The following TAFA2 variants were observed in gnomAD, a reference collection of about 807,000 sequenced individuals.
TAFA2 encodes the protein TAFA chemokine like family member 2, also known as chemokine-like protein TAFA-2.
A neutral mutation model predicts 18.8 loss-of-function variants in TAFA2; 7 were observed. That is an observed-to-expected ratio of 0.37 (90% CI 0.21 to 0.70). TAFA2 has a LOEUF of 0.70. TAFA2 is among the 30% of genes least tolerant of loss of function. TAFA2 has a pLI of 0.53. For synonymous variants in TAFA2, 60 were observed against 54.2 expected (o/e 1.11, Z -0.47); for missense variants, 122 against 158.1 (o/e 0.77, Z 1.23).
chr12:62,032,993 C>T (rs753836214), intron 1 of TAFA2, among the ~76,000 whole-genome samples: 8 of 152,094 alleles, frequency 5.3e-5, no homozygotes, highest in Middle Eastern at 3.4e-3. Flanking sequence ...TGATCCAAAC[C>T]GCAACCTCTT....
At chr12:62,101,131 A>C (rs1394993809) in intron 1 of TAFA2, among the ~76,000 whole-genome samples, 1 of 152,134 alleles carries the variant, frequency 6.6e-6, no homozygotes, top group Non-Finnish European at 1.5e-5. Flanking sequence ...AGAGTGCCCC[A>C]GAATAAACCA....
intron 1 of TAFA2, among the ~76,000 whole-genome samples, chr12:61,991,928 T>C (rs1402324946): frequency 1.3e-5 from 2 of 152,204 alleles, no homozygotes; most frequent in Non-Finnish European, 2.9e-5. Flanking sequence ...AGTTCCTTCA[T>C]GTTGGCCTGC....
chr12:61,997,191 G>GTGTGTA (rs1555182352), intron 1 of TAFA2, among the ~76,000 whole-genome samples: 1 of 150,596 alleles, frequency 6.6e-6, no homozygotes, highest in African/African-American at 2.4e-5. Flanking sequence ...GTGTGTGTGT[G>GTGTGTA]TATATATATA....
chr12:61,974,878 T>C (rs1879374061), intron 1 of TAFA2, among the ~76,000 whole-genome samples: 1 of 151,686 alleles, frequency 6.6e-6, no homozygotes, highest in South Asian at 2.1e-4. Flanking sequence ...CTAGGGTGAG[T>C]TCATCGAAGT....
rs372019002 is a variant in TAFA2 at position 62,060,999 on chromosome 12, C to A, written c.-2+130260G>T. Among the ~76,000 whole-genome samples the A allele has an allele frequency of 3.1e-5, 4 of 130,110 alleles. No homozygotes were observed. In the East Asian group the frequency reaches 6.2e-4, roughly 20 times the overall value. The allele number at this position is 130,110 out of a possible 152,430, so 85.4% of individuals were successfully genotyped here. A position where few individuals can be genotyped will look rare whatever the true frequency, so the allele number is the denominator to read the frequency against. On this transcript the variant is annotated intron_variant, in intron 1 of 4. Coordinates refer to ENST00000416284, the MANE Select transcript of TAFA2 (RefSeq NM_178539.5). ...TGCATTTTAAGTAAAGTGTTATTAC[C>A]AGAGTCAAAAGTTTAAAAGAAAAAA...
Position 62,157,739 on chromosome 12 carries a change from G to A in TAFA2, c.-2+33520C>T, listed in dbSNP as rs533696160. On this transcript the variant is annotated intron_variant, in intron 1 of 4. Coordinates refer to ENST00000416284, the MANE Select transcript of TAFA2 (RefSeq NM_178539.5). ...TGACTAAAGTAGCTAACATCCTCCAGCCCCTCCTTCCCTAAACGAGTCACC... is the reference window on the plus strand; with the variant it reads ...TGACTAAAGTAGCTAACATCCTCCAACCCCTCCTTCCCTAAACGAGTCACC... 6.6e-5 allele frequency among the ~76,000 whole-genome samples: 10 copies of A among 152,236 alleles called. No individual in the cohort carries two copies. The East Asian group carries it at 1.5e-3, about 24-fold the overall frequency.
chr12:61,947,928 C>G (rs529369857), intron 1 of TAFA2, among the ~76,000 whole-genome samples: 24 of 152,220 alleles, frequency 1.6e-4, no homozygotes, highest in African/African-American at 5.1e-4. Flanking sequence ...AGGATATATA[C>G]AAGCATACTT....
intron 1 of TAFA2, among the ~76,000 whole-genome samples, chr12:61,995,882 G>A (rs1386096190): frequency 7.9e-6 from 1 of 126,298 alleles, no homozygotes; most frequent in Non-Finnish European, 1.8e-5. Context: ...AAATAAATAA[G>A]CATTTGTATA....
chr12:61,727,379 A>G (rs1171472907), intron 4 of TAFA2, among the ~76,000 whole-genome samples: 1 of 150,570 alleles, frequency 6.6e-6, no homozygotes, highest in Non-Finnish European at 1.5e-5. Context: ...TTTTTTTATT[A>G]CCATTTCAAA....
chr12:61,811,302 A>G (rs1362980381), intron 2 of TAFA2, among the ~76,000 whole-genome samples: 2 of 151,344 alleles, frequency 1.3e-5, no homozygotes, highest in Non-Finnish European at 2.9e-5. Flanking sequence ...TAAAGCACAG[A>G]GATATTAAGT....
intron 1 of TAFA2, among the ~76,000 whole-genome samples, chr12:61,889,402 A>G (rs1321150488): frequency 6.6e-6 from 1 of 152,174 alleles, no homozygotes; most frequent in East Asian, 1.9e-4. Flanking sequence ...TAGATTTAAC[A>G]GGGTTCATTT....
At chr12:61,983,474 C>T (rs1029838767) in intron 1 of TAFA2, among the ~76,000 whole-genome samples, 4 of 152,080 alleles carry the variant, frequency 2.6e-5, no homozygotes, top group Non-Finnish European at 5.9e-5. Flanking sequence ...GTGGTGCAAT[C>T]TCGGCTCACT....
At chr12:62,122,194 A>T (rs34365908) in intron 1 of TAFA2, among the ~76,000 whole-genome samples, 39,989 of 152,100 alleles carry the variant, frequency 0.26, 5,245 homozygotes, top group East Asian at 0.31. Context: ...TATGTAAAAA[A>T]CCTGCACTTG....
intron 1 of TAFA2, among the ~76,000 whole-genome samples, chr12:62,005,150 C>G (rs985143855): frequency 7.2e-5 from 11 of 151,960 alleles, no homozygotes; most frequent in Non-Finnish European, 1.2e-4. Context: ...GTATCATATA[C>G]TAGAAATTTG....
chr12:61,924,686 G>T (rs1437387092), intron 1 of TAFA2, among the ~76,000 whole-genome samples: 1 of 152,138 alleles, frequency 6.6e-6, no homozygotes, highest in African/African-American at 2.4e-5. Flanking sequence ...ATGAACGAAT[G>T]GGTAAAATAA....
chr12:61,722,887 A>T lies in TAFA2; in HGVS notation c.385-12470T>A, dbSNP rs192513019. ...GTTCCTCCTCCTCTTTGCCACCATCATCCTGAAAAGAAAAATCTATAATAC... is the reference window on the plus strand; with the variant it reads ...GTTCCTCCTCCTCTTTGCCACCATCTTCCTGAAAAGAAAAATCTATAATAC... On this transcript the variant is annotated intron_variant, in intron 4 of 4. Coordinates refer to ENST00000416284, the MANE Select transcript of TAFA2 (RefSeq NM_178539.5). 1.4e-3 allele frequency among the ~76,000 whole-genome samples: 206 copies of T among 152,198 alleles called. 1 individual carries two copies. The highest frequency in any genetic ancestry group is 2.1e-3 in the Non-Finnish European group (143 of 67,996).
intron 1 of TAFA2, among the ~76,000 whole-genome samples, chr12:62,215,535 T>C (rs2062730672): frequency 7.8e-6 from 1 of 127,456 alleles, no homozygotes; most frequent in Admixed American, 8.2e-5. Context: ...CCACAGTCTC[T>C]GCTGGAAAAA....
At chr12:61,940,979 T>C (rs1877981212) in intron 1 of TAFA2, among the ~76,000 whole-genome samples, 2 of 152,178 alleles carry the variant, frequency 1.3e-5, no homozygotes, top group African/African-American at 4.8e-5. Context: ...ATAGCATGTG[T>C]GAATGAGAAA....
At chr12:62,143,479 A>C (rs897510247) in intron 1 of TAFA2, among the ~76,000 whole-genome samples, 11 of 152,210 alleles carry the variant, frequency 7.2e-5, no homozygotes, top group Non-Finnish European at 1.3e-4. Context: ...CAGCCCAAGG[A>C]CTATCTAACT....
Sources: gnomAD v4.1 joint callset for allele counts (sites outside exome capture counted in the v4.1 genomes callset) on GRCh38, gnomAD v4.1.1 for gene constraint, MANE v1.5 for transcripts, NCBI Gene and HGNC (gene_info 2026-07-23, HGNC 2026-07-21) for gene names.